PPP6R1: variants seen among roughly 807,000 people sequenced by gnomAD.
PPP6R1 encodes the protein protein phosphatase 6 regulatory subunit 1.
In PPP6R1, 39 loss-of-function variants were observed where a neutral mutation model predicts 104.6. The ratio of observed to expected loss-of-function variants is 0.37; its 90% CI spans 0.29 to 0.49. PPP6R1 has a LOEUF of 0.49. PPP6R1 is among the 20% of genes least tolerant of loss of function. PPP6R1 has a pLI of 0.98. For synonymous variants in PPP6R1, 549 were observed against 479.0 expected (o/e 1.15, Z -1.91); for missense variants, 1,181 against 1,155.8 (o/e 1.02, Z -0.32).
In PPP6R1 at chr19:55,230,282, T is replaced by G; in HGVS notation, c.*246A>C. On this transcript the variant is annotated 3_prime_UTR_variant, in exon 24 of 24. Coordinates refer to ENST00000412770, the MANE Select transcript of PPP6R1 (RefSeq NM_014931.4). ...TATAATATATGTTTCTCTCTCTCCA[T>G]TCTCTCTATTTGACTCTCTGTATCT... 1.7e-6 allele frequency: 1 copy of G among 585,616 alleles called. No individual in the cohort carries two copies. The allele number at this position is 585,616 out of a possible 1,614,324, so 36.3% of individuals were successfully genotyped here.
Position 55,254,600 on chromosome 19 carries a change from G to A in PPP6R1, c.-7+3835C>T, listed in dbSNP as rs375162618. Among the ~76,000 whole-genome samples, 204 of 152,222 alleles carry A rather than the reference G, an allele frequency of 1.3e-3. 2 individuals carry two copies. In the South Asian group the frequency reaches 0.039, roughly 29 times the overall value. On this transcript the variant is annotated intron_variant, in intron 1 of 23. Transcript: ENST00000412770. ...CCCTTCCCAACCTGCGCTGACCCAC[G>A]AGCACCCAGAAATGGAGGTCATGGG...
rs531920538 is a variant in PPP6R1, at chr19:55,241,041, A to G, written c.1200T>C (p.His400=). The G allele has an allele frequency of 5.1e-6, 8 of 1,561,940 alleles. No individual in the cohort carries two copies. In the South Asian group the frequency reaches 7.1e-5, roughly 14 times the overall value. ...TGCTCACGCATCCCTCTACTTGGGCATGCAAGAAGTTGTTGAAGACATAAT... is the reference window on the plus strand; with the variant it reads ...TGCTCACGCATCCCTCTACTTGGGCGTGCAAGAAGTTGTTGAAGACATAAT... ...FFHYVFNNFL[H]AQVEGCVSTM... The change falls in exon 10 of 24, where the codon CAT becomes CAC. Residue 400 remains histidine, a synonymous_variant. Coordinates refer to ENST00000412770, the MANE Select transcript of PPP6R1 (RefSeq NM_014931.4). This position sits in a 1 kb window ranked among gnomAD's most constrained non-coding sequence, Gnocchi z 5.4.
chr19:55,251,977 T>C (rs562064900), intron 1 of PPP6R1, among the ~76,000 whole-genome samples: 3 of 150,914 alleles, frequency 2.0e-5, no homozygotes, highest in South Asian at 4.2e-4. Context: ...CCAAGCAGGC[T>C]GATAGGCTGC....
intron 5 of PPP6R1, among the ~76,000 whole-genome samples, chr19:55,244,072 CAAAAGAGAG>C (rs949250039): frequency 3.3e-5 from 5 of 152,174 alleles, no homozygotes; most frequent in Non-Finnish European, 5.9e-5. Flanking sequence ...AAAGCTGCTA[CAAAAGAGAG>C]AAAAGAGAGA....
rs374627194 is a variant in PPP6R1, at chr19:55,231,761, G to A, written c.2306+41C>T. The stretch of plus-strand genomic sequence containing the variant: ...GACCCCATGGCCACCTCCTGGCCTC[G>A]GGATACCAGCACCATTTAGCCCGTT... On this transcript the variant is annotated intron_variant, in intron 19 of 23. Coordinates refer to ENST00000412770, the MANE Select transcript of PPP6R1 (RefSeq NM_014931.4). 237 of 1,491,810 alleles carry A rather than the reference G, an allele frequency of 1.6e-4. No individual in the cohort carries two copies. The South Asian group carries it at 1.8e-3, about 11-fold the overall frequency. The allele number at this position is 1,491,810 out of a possible 1,614,324, so 92.4% of individuals were successfully genotyped here.
At chr19:55,236,348 T>C (rs2087398477) in intron 17 of PPP6R1, 2 of 350,778 alleles carry the variant, frequency 5.7e-6, no homozygotes, top group South Asian at 6.9e-5. Context: ...AGAGACAGGA[T>C]CTCCCTATGT....
intron 1 of PPP6R1, among the ~76,000 whole-genome samples, chr19:55,249,109 T>C (rs973797048): frequency 2.2e-4 from 33 of 152,184 alleles, no homozygotes; most frequent in Non-Finnish European, 7.3e-5. Context: ...ACGACAGTCA[T>C]GGCGGCAGCA....
chr19:55,230,189 C>T lies in PPP6R1; in HGVS notation c.*339G>A, dbSNP rs2087326676. On this transcript the variant is annotated 3_prime_UTR_variant, in exon 24 of 24. Coordinates refer to ENST00000412770, the MANE Select transcript of PPP6R1 (RefSeq NM_014931.4). ...CTGGGACGGAACAGGGAAGGCTGTG[C>T]TTTGGAGCCGCCAGCCCAGTTCGGT... 6.4e-6 allele frequency: 2 copies of T among 313,996 alleles called. No individual in the cohort carries two copies. Among genetic ancestry groups the T allele is most frequent in the African/African-American group, 2.2e-5 (1 of 46,488 alleles). The allele number at this position is 313,996 out of a possible 1,614,324, so 19.5% of individuals were successfully genotyped here. A position where few individuals can be genotyped will look rare whatever the true frequency, so the allele number is the denominator to read the frequency against.
rs1169569776 is a variant in PPP6R1 at position 55,241,471 on chromosome 19, CCT to C, written c.1008+4_1008+5del. 1.9e-6 allele frequency: 3 copies of C among 1,603,908 alleles called. No homozygotes were observed. The highest frequency in any genetic ancestry group is 2.6e-6 in the Non-Finnish European group (3 of 1,175,274). The stretch of plus-strand genomic sequence containing the variant: ...CTCCCCGAGGACCAGAACCCACACC[CCT>C]GACCTTGGGAGGCTCCAGCAGGAGC... On this transcript the variant is annotated splice_donor_5th_base_variant and intron_variant, in intron 8 of 23. Coordinates refer to ENST00000412770, the MANE Select transcript of PPP6R1 (RefSeq NM_014931.4). The surrounding 1 kb of genome is among the most constrained non-coding windows in gnomAD (Gnocchi z 5.4).
intron 15 of PPP6R1, among the ~76,000 whole-genome samples, chr19:55,238,136 A>G: frequency 6.6e-6 from 1 of 151,362 alleles, no homozygotes; most frequent in East Asian, 2.0e-4. Flanking sequence ...CCTGAACTCA[A>G]GCGATCCTCC....
At chr19:55,240,609 G>T (rs377300449) in intron 10 of PPP6R1, among the ~76,000 whole-genome samples, 1 of 150,344 alleles carries the variant, frequency 6.7e-6, no homozygotes. Flanking sequence ...TCACATACTC[G>T]TGTGCACTCA....
chr19:55,239,819 G>C lies in PPP6R1; in HGVS notation c.1563+7C>G, dbSNP rs201273877. 8.6e-5 allele frequency: 138 copies of C among 1,613,400 alleles called. No individual in the cohort carries two copies. The African/African-American group carries it at 1.5e-3, about 17-fold the overall frequency. On this transcript the variant is annotated splice_region_variant and intron_variant, in intron 13 of 23. Coordinates refer to ENST00000412770, the MANE Select transcript of PPP6R1 (RefSeq NM_014931.4). ...GGAGGAGTGCAGGAAGAGAAGCTGG[G>C]CCTCACCAGGTCCACCATGTTCTTC...
In PPP6R1 at chr19:55,245,725, G is replaced by T; in HGVS notation, c.228-47C>A. On this transcript the variant is annotated intron_variant, in intron 2 of 23. Coordinates refer to ENST00000412770, the MANE Select transcript of PPP6R1 (RefSeq NM_014931.4). The surrounding 1 kb of genome is among the most constrained non-coding windows in gnomAD (Gnocchi z 6.4). The stretch of plus-strand genomic sequence containing the variant: ...GTGGGGGCTCGGGTCGGAGGCCGGG[G>T]GCAGGGGGCGGCAAGGCTCCACCCT... 7.0e-7 allele frequency: 1 copy of T among 1,427,848 alleles called. No homozygotes were observed. Among genetic ancestry groups the T allele is most frequent in the Non-Finnish European group, 9.6e-7 (1 of 1,042,782 alleles). 88.4% of individuals were successfully genotyped at this position (1,427,848 alleles called of 1,614,324 possible). A position where few individuals can be genotyped will look rare whatever the true frequency, so the allele number is the denominator to read the frequency against.
intron 1 of PPP6R1, chr19:55,255,587 G>A (rs2087586600): frequency 6.6e-6 from 1 of 152,368 alleles, no homozygotes; most frequent in Non-Finnish European, 1.5e-5. Flanking sequence ...GCATGGAAAG[G>A]CAGGTGAGCC....
chr19:55,246,481 T>C (rs560263826), intron 2 of PPP6R1, among the ~76,000 whole-genome samples: 2 of 149,858 alleles, frequency 1.3e-5, no homozygotes, highest in South Asian at 2.1e-4. Context: ...GTGTCTTCAA[T>C]AGCAGACAAG....
At chr19:55,230,738 A>ACCCCCCCCCCCCCC in intron 22 of PPP6R1, 36 bp downstream of exon 22, 7 of 925,584 alleles carry the variant, frequency 7.6e-6, no homozygotes, top group Non-Finnish European at 9.4e-6. Context: ...CACCAGCCCC[A>ACCCCCCCCCCCCCC]CCCCCACCCC....
At chr19:55,253,483 G>A (rs144623699) in intron 1 of PPP6R1, among the ~76,000 whole-genome samples, 1,664 of 152,306 alleles carry the variant, frequency 0.011, 35 homozygotes, top group African/African-American at 0.038. Context: ...CCAGACAACT[G>A]GGGCAGGGGC....
intron 10 of PPP6R1, among the ~76,000 whole-genome samples, chr19:55,240,509 GTGCA>G (rs2087443090): frequency 1.4e-5 from 2 of 139,542 alleles, no homozygotes; most frequent in African/African-American, 5.6e-5. Context: ...AGAATATGTG[GTGCA>G]TACACACACA....
intron 10 of PPP6R1, among the ~76,000 whole-genome samples, chr19:55,240,555 ACAT>A (rs2087444905): frequency 1.4e-5 from 2 of 147,536 alleles, no homozygotes; most frequent in Non-Finnish European, 3.0e-5. Context: ...ACACACACAC[ACAT>A]GCATGCACTA....
Sources: allele counts gnomAD v4.1 joint callset (sites outside exome capture counted in the v4.1 genomes callset), GRCh38; gene constraint gnomAD v4.1.1; non-coding constraint Gnocchi (gnomAD v3.1); transcripts MANE v1.5; gene names NCBI Gene and HGNC (gene_info 2026-07-23, HGNC 2026-07-21).